PCDH18: variants seen among roughly 807,000 people sequenced by gnomAD.
PCDH18 encodes protocadherin-18.
Under a neutral mutation model 71.5 loss-of-function variants are expected in PCDH18, and 38 were observed. That is an observed-to-expected ratio of 0.53 (90% CI 0.41 to 0.70). The LOEUF is 0.70. Among genes scored for constraint, PCDH18 ranks in the 30% least tolerant of loss-of-function variants. PCDH18 has a pLI of 0.00. For missense variants in PCDH18, 1,334 were observed against 1,384.6 expected (o/e 0.96, Z 0.58); for synonymous variants, 565 against 505.4 (o/e 1.12, Z -1.58).
In PCDH18 at chr4:137,528,544, G is replaced by A. The variant is rs2149214879; in HGVS notation, c.2674C>T (p.Pro892Ser). ...DSDYDLGRDS[P>S]IDRLLGEGFS... ...CCTTCACCCAACAGCCTATCTATTG[G>A]AGAATCTCGCCCCAAATCATAATCA... The change falls in exon 3 of 4, where the codon CCA (proline) becomes TCA (serine). Residue 892 changes from proline to serine, a missense_variant. By Grantham distance (74) the Pro-to-Ser change is moderately conservative. Coordinates refer to ENST00000344876, the MANE Select transcript of PCDH18 (RefSeq NM_019035.5). 1 of 1,613,910 alleles carries A rather than the reference G, an allele frequency of 6.2e-7. No individual in the cohort carries two copies.
At position 137,530,475 on chromosome 4, in the gene PCDH18, C is replaced by T. The variant is rs1350892250; in HGVS notation, c.1614G>A (p.Val538=). Residue 538 remains valine, a synonymous_variant, in exon 1 of 4, where the codon GTG becomes GTA. Transcript: ENST00000344876. The stretch of plus-strand genomic sequence containing the variant: ...CTTCTACCACAAAAGTGATCTGACT[C>T]ACTTCTTCATGATCAAAGATTCTGA... ...YALRIFDHEE[V]SQITFVVEAR... The T allele has an allele frequency of 1.9e-6, 3 of 1,613,976 alleles. No homozygotes were observed. Among genetic ancestry groups the T allele is most frequent in the African/African-American group, 1.3e-5 (1 of 74,926 alleles).
At position 137,531,902 on chromosome 4, in the gene PCDH18, T is replaced by C. The variant is rs1161727289; in HGVS notation, c.187A>G (p.Thr63Ala). The change falls in exon 1 of 4, where the codon ACT becomes GCT. Residue 63 changes from threonine (T) to alanine (A), a missense_variant. Thr to Ala is a moderately conservative substitution (Grantham distance 58). Coordinates refer to ENST00000344876, the MANE Select transcript of PCDH18 (RefSeq NM_019035.5). ...CTCTGCATGGCTCGAAATCGAACAG[T>C]AGAAGGATTAGGAAGCTTCAATAAA... ...DVLLKLPNPS[T>A]VRFRAMQRGN... 50 of 1,613,952 alleles carry C rather than the reference T, an allele frequency of 3.1e-5. No individual in the cohort carries two copies. Among genetic ancestry groups the C allele is most frequent in the Non-Finnish European group, 3.9e-5 (46 of 1,180,004 alleles).
intron 3 of PCDH18, among the ~76,000 whole-genome samples, chr4:137,522,043 A>G (rs968598028): frequency 6.6e-6 from 1 of 152,172 alleles, no homozygotes; most frequent in Admixed American, 6.5e-5. Flanking sequence ...TAAAGAACAG[A>G]CTTGTAAGGT....
intron 3 of PCDH18, among the ~76,000 whole-genome samples, chr4:137,526,284 A>G (rs1016137501): frequency 6.6e-6 from 1 of 152,084 alleles, no homozygotes; most frequent in Non-Finnish European, 1.5e-5. Flanking sequence ...ATGCTGATAA[A>G]TTTAAATTTC....
intron 3 of PCDH18, among the ~76,000 whole-genome samples, chr4:137,523,092 A>G (rs993141818): frequency 1.3e-5 from 2 of 152,182 alleles, no homozygotes; most frequent in African/African-American, 4.8e-5. Flanking sequence ...ATCAAGTATT[A>G]TGAGTGAGAA....
Position 137,532,306 on chromosome 4 carries a change from T to C in PCDH18, c.-218A>G, listed in dbSNP as rs1489243294. On this transcript the variant is annotated 5_prime_UTR_variant, in exon 1 of 4. Transcript: ENST00000344876. ...GCATGGAGTCCAGTCCTTGCGTTTG[T>C]TTGGTCGTTCGTCCTCTTTCCAGGC... is the stretch of plus-strand genomic sequence containing the variant. 5.7e-6 allele frequency: 4 copies of C among 702,840 alleles called. No individual in the cohort carries two copies. In the South Asian group the frequency reaches 5.9e-5, roughly 10 times the overall value. 43.5% of individuals were successfully genotyped at this position (702,840 alleles called of 1,614,324 possible).
Position 137,531,467 on chromosome 4 carries a change from G to C in PCDH18, c.622C>G (p.Leu208Val). The change falls in exon 1 of 4, where the codon CTG (leucine) becomes GTG (valine). Residue 208 changes from leucine to valine, a missense_variant. Around this residue, in one of 3 missense-constraint regions of PCDH18, gnomAD observed 1,011 missense variants for 1,048.0 expected, o/e 0.96. Coordinates refer to ENST00000344876, the MANE Select transcript of PCDH18 (RefSeq NM_019035.5). ...LIVVRELDRE[L>V]KSSYELQLTA... ...AGCTGAAGCTCGTAGCTTGACTTCA[G>C]CTCCCGATCTAACTCTCTGACCACT... 1 of 1,613,934 alleles carries C rather than the reference G, an allele frequency of 6.2e-7. No homozygotes were observed. The highest frequency in any genetic ancestry group is 8.5e-7 in the Non-Finnish European group (1 of 1,179,944).
rs1247283799 is a variant in PCDH18 at position 137,528,728 on chromosome 4, A to G, written c.2576+4T>C. ...TTAATAGGTAACACAAGAATAATTCATACCTGTAGCTCCTGGAATATTTGT... is the reference window on the plus strand; with the variant it reads ...TTAATAGGTAACACAAGAATAATTCGTACCTGTAGCTCCTGGAATATTTGT... On this transcript the variant is annotated splice_donor_region_variant and intron_variant, in intron 2 of 3. Coordinates refer to ENST00000344876, the MANE Select transcript of PCDH18 (RefSeq NM_019035.5). 5 of 1,610,502 alleles carry G rather than the reference A, an allele frequency of 3.1e-6. No homozygotes were observed. The highest frequency in any genetic ancestry group is 4.2e-6 in the Non-Finnish European group (5 of 1,176,766).
At position 137,531,536 on chromosome 4, in the gene PCDH18, C is replaced by A; in HGVS notation, c.553G>T (p.Glu185Ter). Residue 185 changes from glutamate to a stop codon, truncating the protein, a stop_gained, in exon 1 of 4, where the codon GAG becomes TAG. Transcript: ENST00000344876. LOFTEE classifies it high-confidence loss of function. Reference protein sequence around the residue: ...SLSANDFFNIEVRTRTDGAKY... With the variant: ...SLSANDFFNI ...GCTCCATCAGTCCTGGTCCGAACCT[C>A]GATATTAAAAAAATCATTGGCAGAG... The A allele has an allele frequency of 6.2e-7, 1 of 1,613,078 alleles. No individual in the cohort carries two copies. Among genetic ancestry groups the A allele is most frequent in the South Asian group, 1.1e-5 (1 of 91,012 alleles).
In PCDH18 at chr4:137,518,957, A is replaced by G. The variant is rs1731211713; in HGVS notation, c.*2072T>C. 1 of 152,254 alleles carries G rather than the reference A, an allele frequency of 6.6e-6. No homozygotes were observed. The highest frequency in any genetic ancestry group is 1.5e-5 in the Non-Finnish European group (1 of 68,044). 9.4% of individuals were successfully genotyped at this position (152,254 alleles called of 1,614,324 possible). On this transcript the variant is annotated 3_prime_UTR_variant, in exon 4 of 4. Transcript: ENST00000344876. ...AAATATTGCATTTTATTTATTTCAC[A>G]TTATTCAAAATAGCGGTTTTCAGCA...
rs536164554 is a variant in PCDH18, at chr4:137,520,580, G to T, written c.*449C>A. ...TTTAATGATTCTTAATTTCTAAAAA[G>T]TTATTGAAAAAAAGTGGGATCACTT... On this transcript the variant is annotated 3_prime_UTR_variant, in exon 4 of 4. Coordinates refer to ENST00000344876, the MANE Select transcript of PCDH18 (RefSeq NM_019035.5). 6.5e-6 allele frequency: 1 copy of T among 153,286 alleles called. No homozygotes were observed. The highest frequency in any genetic ancestry group is 2.1e-4 in the South Asian group (1 of 4,838). The allele number at this position is 153,286 out of a possible 1,614,324, so 9.5% of individuals were successfully genotyped here. A position where few individuals can be genotyped will look rare whatever the true frequency, so the allele number is the denominator to read the frequency against.
rs1578746981 is a variant in PCDH18, at chr4:137,529,405, T to C, written c.2487+197A>G. ...ATATTACACATATTATATGAAGTTA[T>C]TTACTTAAGGAAAACTAAAAACAGT... On this transcript the variant is annotated intron_variant, in intron 1 of 3. Coordinates refer to ENST00000344876, the MANE Select transcript of PCDH18 (RefSeq NM_019035.5). 6.4e-6 allele frequency: 3 copies of C among 471,612 alleles called. No homozygotes were observed. The East Asian group carries it at 9.0e-5, about 14-fold the overall frequency. The allele number at this position is 471,612 out of a possible 1,614,324, so 29.2% of individuals were successfully genotyped here. A position where few individuals can be genotyped will look rare whatever the true frequency, so the allele number is the denominator to read the frequency against.
chr4:137,521,372 G>A lies in PCDH18; in HGVS notation c.3065C>T (p.Thr1022Ile). ...ATCCACCTCACTGCATTCAGAATAG[G>A]TGTCCAGGGAAGGCGGTAAGAGACG... ...FQRLLPPSLD[T>I]YSECSEVDRS... The change falls in exon 4 of 4, where the codon ACC becomes ATC. Residue 1022 changes from threonine (T) to isoleucine (I), a missense_variant. By Grantham distance (89) the Thr-to-Ile change is moderately conservative. Coordinates refer to ENST00000344876, the MANE Select transcript of PCDH18 (RefSeq NM_019035.5). The A allele has an allele frequency of 6.2e-7, 1 of 1,614,198 alleles. No homozygotes were observed. The highest frequency in any genetic ancestry group is 8.5e-7 in the Non-Finnish European group (1 of 1,180,022).
chr4:137,519,791 T>C lies in PCDH18; in HGVS notation c.*1238A>G, dbSNP rs1731237896. On this transcript the variant is annotated 3_prime_UTR_variant, in exon 4 of 4. Coordinates refer to ENST00000344876, the MANE Select transcript of PCDH18 (RefSeq NM_019035.5). ...AGTGTATTATTAGAAATAACATTAA[T>C]AGAAGCTTGGTCAGAAATGATAATA... The C allele has an allele frequency of 6.6e-6, 1 of 152,530 alleles. No individual in the cohort carries two copies. Among genetic ancestry groups the C allele is most frequent in the African/African-American group, 2.4e-5 (1 of 41,448 alleles). 9.4% of individuals were successfully genotyped at this position (152,530 alleles called of 1,614,324 possible).
chr4:137,526,185 T>C (rs2149213675), intron 3 of PCDH18, among the ~76,000 whole-genome samples: 1 of 152,088 alleles, frequency 6.6e-6, no homozygotes, highest in South Asian at 2.1e-4. Context: ...CTATTAGATT[T>C]CTACAATTTC....
intron 3 of PCDH18, 91 bp downstream of exon 3, chr4:137,528,387 A>C (rs778336125): frequency 1.0e-6 from 1 of 988,636 alleles, no homozygotes; most frequent in Non-Finnish European, 1.5e-6. Context: ...AGGGACAAAT[A>C]AAGAAGAAAT....
rs1731299094 is a variant in PCDH18 at position 137,521,506 on chromosome 4, A to C, written c.2931T>G (p.Gly977=). The C allele has an allele frequency of 6.2e-7, 1 of 1,613,934 alleles. No homozygotes were observed. The highest frequency in any genetic ancestry group is 8.5e-7 in the Non-Finnish European group (1 of 1,180,020). ...LEDDAQPADS[G]EKKKSFSTFG... The stretch of plus-strand genomic sequence containing the variant: ...AGGTGGAAAAACTCTTCTTCTTTTC[A>C]CCGGAATCTGCAGGCTGAGCGTCAT... Residue 977 remains glycine (G), a synonymous_variant, in exon 4 of 4, where the codon GGT becomes GGG. Coordinates refer to ENST00000344876, the MANE Select transcript of PCDH18 (RefSeq NM_019035.5).
chr4:137,522,327 C>T lies in PCDH18; in HGVS notation c.2741-631G>A, dbSNP rs570838818. Among the ~76,000 whole-genome samples, 3 of 151,956 alleles carry T rather than the reference C, an allele frequency of 2.0e-5. No homozygotes were observed. In the East Asian group the frequency reaches 5.8e-4, roughly 29 times the overall value. The stretch of plus-strand genomic sequence containing the variant: ...TAAAGATTCAAAATATATTTATATT[C>T]AAATATGTGAAAAATGTCATCAAAA... On this transcript the variant is annotated intron_variant, in intron 3 of 3. Coordinates refer to ENST00000344876, the MANE Select transcript of PCDH18 (RefSeq NM_019035.5).
intron 3 of PCDH18, among the ~76,000 whole-genome samples, chr4:137,528,153 G>T (rs576033645): frequency 6.6e-6 from 1 of 152,082 alleles, no homozygotes; most frequent in Admixed American, 6.6e-5. Context: ...TTACACAACC[G>T]TGTTCTATGG....
Sources: gnomAD v4.1 joint callset for allele counts (sites outside exome capture counted in the v4.1 genomes callset) on GRCh38, gnomAD v4.1.1 for gene constraint, gnomAD v4.1.1 regional missense constraint, MANE v1.5 for transcripts, NCBI Gene and HGNC (gene_info 2026-07-23, HGNC 2026-07-21) for gene names.